The following FAM228B variants were observed in gnomAD, a reference collection of about 807,000 sequenced individuals.
The protein encoded by FAM228B is protein FAM228B.
A neutral mutation model predicts 42.6 loss-of-function variants in FAM228B; 38 were observed. The ratio of observed to expected loss-of-function variants is 0.89; its 90% CI spans 0.69 to 1.17. The LOEUF (loss-of-function observed/expected upper bound fraction) is 1.17. FAM228B is among the 50% of genes most tolerant of loss of function. FAM228B has a pLI of 0.00. For synonymous variants in FAM228B, 109 were observed against 122.3 expected (o/e 0.89, Z 0.72); for missense variants, 344 against 367.3 (o/e 0.94, Z 0.52).
At position 24,084,339 on chromosome 2, in the gene FAM228B, C is replaced by CACAGGGCAGGGCAGGGCAGGGCAGG. The variant is rs1558362964; in HGVS notation, c.-210+3404_-210+3405insGCAGGACAGGGCAGGGCAGGGCAGG. 5.6e-6 allele frequency: 9 copies of CACAGGGCAGGGCAGGGCAGGGCAGG among 1,603,964 alleles called. No individual in the cohort carries two copies. The highest frequency in any genetic ancestry group is 3.3e-5 in the South Asian group (3 of 90,028). ...GCACGGCTAACATATTGTCTGAGGA[C>CACAGGGCAGGGCAGGGCAGGGCAGG]ACAGGGCAGGGCAGGGCAGGACAGG... is the stretch of plus-strand genomic sequence containing the variant. On this transcript the variant is annotated intron_variant, in intron 2 of 10. Transcript: ENST00000613899. The surrounding 1 kb of genome is among the most constrained non-coding windows in gnomAD (Gnocchi z 8.4).
At chr2:24,132,654 T>C (rs1258787663) in intron 2 of FAM228B, among the ~76,000 whole-genome samples, 1 of 151,986 alleles carries the variant, frequency 6.6e-6, no homozygotes, top group Non-Finnish European at 1.5e-5. Flanking sequence ...TGGTCTCCAT[T>C]GATTGTTTTT....
intron 2 of FAM228B, chr2:24,083,034 GC>G (rs1665081071): frequency 6.2e-7 from 1 of 1,614,064 alleles, no homozygotes; most frequent in African/African-American, 1.3e-5. Flanking sequence ...CAGAGCCATG[GC>G]TGTGTCCCCG....
At chr2:24,085,521 C>T (rs1438708800) in intron 2 of FAM228B, 1 of 152,230 alleles carries the variant, frequency 6.6e-6, no homozygotes, top group Non-Finnish European at 1.5e-5. Context: ...AACCTCCCAT[C>T]CTTGACATCT....
intron 2 of FAM228B, among the ~76,000 whole-genome samples, chr2:24,132,686 T>C (rs1470719412): frequency 1.3e-5 from 2 of 151,982 alleles, no homozygotes; most frequent in Admixed American, 6.6e-5. Context: ...GGATCACATT[T>C]TTCTGTTTCT....
intron 2 of FAM228B, among the ~76,000 whole-genome samples, chr2:24,086,799 A>G (rs1573727546): frequency 6.6e-6 from 1 of 152,362 alleles, no homozygotes; most frequent in East Asian, 1.9e-4. Flanking sequence ...CTGAGGATGT[A>G]TAAGGATTCA....
chr2:24,106,265 T>G (rs1364998148), intron 3 of FAM228B, among the ~76,000 whole-genome samples: 1 of 150,554 alleles, frequency 6.6e-6, no homozygotes, highest in East Asian at 1.9e-4. Context: ...AGCAGATCTT[T>G]CAACAGAAAC....
chr2:24,155,246 A>C (rs1270238764), intron 7 of FAM228B, among the ~76,000 whole-genome samples: 2 of 152,080 alleles, frequency 1.3e-5, no homozygotes, highest in Admixed American at 1.3e-4. Flanking sequence ...ATGGGCATAC[A>C]GTGAGTTCCA....
At chr2:24,111,491 G>A (rs7596060) in intron 3 of FAM228B, among the ~76,000 whole-genome samples, 24,419 of 152,124 alleles carry the variant, frequency 0.16, 2,123 homozygotes, top group South Asian at 0.21. Context: ...TGATGACACA[G>A]CCTAATTTTA....
chr2:24,128,059 T>C (rs1367059312), intron 2 of FAM228B, among the ~76,000 whole-genome samples: 1 of 152,206 alleles, frequency 6.6e-6, no homozygotes, highest in Non-Finnish European at 1.5e-5. Context: ...CTCACTGATA[T>C]TCTGGTAATT....
chr2:24,166,052 A>ATATATAT (rs1468435433), intron 9 of FAM228B: 198 of 19,414 alleles, frequency 0.01, no homozygotes, highest in African/African-American at 0.017. Context: ...AAAAAAAAAA[A>ATATATAT]AAATATATAT....
At chr2:24,136,545 T>C (rs747922658) in intron 3 of FAM228B, among the ~76,000 whole-genome samples, 34 of 152,096 alleles carry the variant, frequency 2.2e-4, no homozygotes, top group Non-Finnish European at 4.4e-4. Context: ...AATTTTTTTG[T>C]AGAGACGGAG....
intron 2 of FAM228B, chr2:24,082,985 G>T (rs149172944): frequency 5.6e-5 from 91 of 1,614,060 alleles, no homozygotes; most frequent in Non-Finnish European, 4.1e-5. Context: ...GGAGCCCTTC[G>T]GGGACAGTGA....
intron 7 of FAM228B, among the ~76,000 whole-genome samples, chr2:24,154,103 C>A (rs1458187202): frequency 7.2e-6 from 1 of 138,734 alleles, no homozygotes; most frequent in African/African-American, 2.6e-5. Context: ...ATCAGTGATT[C>A]AAGACTGTCC....
chr2:24,106,240 C>T (rs944513745), intron 3 of FAM228B, among the ~76,000 whole-genome samples: 2 of 151,596 alleles, frequency 1.3e-5, no homozygotes, highest in Non-Finnish European at 2.9e-5. Flanking sequence ...ACAAAGGGAA[C>T]TCCATCAGGC....
intron 9 of FAM228B, among the ~76,000 whole-genome samples, chr2:24,164,659 A>T (rs1000459055): frequency 2.0e-5 from 3 of 152,168 alleles, no homozygotes; most frequent in Admixed American, 1.3e-4. Flanking sequence ...CCCCTCTCTC[A>T]GTCCGCCATC....
intron 7 of FAM228B, among the ~76,000 whole-genome samples, chr2:24,157,509 G>A (rs1488066492): frequency 2.6e-5 from 4 of 151,960 alleles, no homozygotes; most frequent in Non-Finnish European, 5.9e-5. Flanking sequence ...AGGCTGAGGC[G>A]GGTGGATGAC....
At chr2:24,110,576 C>T (rs980816276) in intron 3 of FAM228B, among the ~76,000 whole-genome samples, 4 of 152,168 alleles carry the variant, frequency 2.6e-5, no homozygotes, top group African/African-American at 7.2e-5. Flanking sequence ...TCTGGGCTGG[C>T]GAACACCTCC....
At chr2:24,141,617 A>T (rs1232326801) in intron 5 of FAM228B, among the ~76,000 whole-genome samples, 2 of 152,128 alleles carry the variant, frequency 1.3e-5, no homozygotes, top group Non-Finnish European at 2.9e-5. Flanking sequence ...TGACCTCGTG[A>T]TCCGCCCGCC....
At chr2:24,114,782 C>A (rs1573745333) in intron 3 of FAM228B, among the ~76,000 whole-genome samples, 1 of 152,272 alleles carries the variant, frequency 6.6e-6, no homozygotes, top group South Asian at 2.1e-4. Flanking sequence ...CTATAGCTCT[C>A]CACCCTTATG....
Sources: allele counts gnomAD v4.1 joint callset (sites outside exome capture counted in the v4.1 genomes callset), GRCh38; gene constraint gnomAD v4.1.1; non-coding constraint Gnocchi (gnomAD v3.1); transcripts MANE v1.5; gene names NCBI Gene and HGNC (gene_info 2026-07-23, HGNC 2026-07-21).